The following UBE3D variants were observed in gnomAD, a reference collection of about 807,000 sequenced individuals.
UBE3D encodes the protein E3 ubiquitin-protein ligase E3D.
A neutral mutation model predicts 49.6 loss-of-function variants in UBE3D; 48 were observed. The observed-to-expected ratio is 0.97, with a 90% CI of 0.77 to 1.23. The LOEUF (loss-of-function observed/expected upper bound fraction) is 1.23. Among genes scored for constraint, UBE3D ranks in the 50% most tolerant of loss-of-function variants. UBE3D has a pLI of 0.00. For missense variants in UBE3D, 452 were observed against 468.4 expected (o/e 0.96, Z 0.32); for synonymous variants, 189 against 174.2 (o/e 1.08, Z -0.67).
Position 83,018,502 on chromosome 6 carries a change from G to A in UBE3D, c.1010+471C>T, listed in dbSNP as rs118128994. ...GATGATAATGGTACATACCACACAGGTTGTTGTTAGGCTTAAATGAGCTAC... is the reference window on the plus strand; with the variant it reads ...GATGATAATGGTACATACCACACAGATTGTTGTTAGGCTTAAATGAGCTAC... On this transcript the variant is annotated intron_variant, in intron 8 of 9. Coordinates refer to ENST00000369747, the MANE Select transcript of UBE3D (RefSeq NM_198920.3). 178 of 158,260 alleles carry A rather than the reference G, an allele frequency of 1.1e-3. 1 individual carries two copies. In the Middle Eastern group the frequency reaches 0.016, roughly 14 times the overall value. The allele number at this position is 158,260 out of a possible 1,614,324, so 9.8% of individuals were successfully genotyped here.
At chr6:83,035,771 T>C (rs1214829015) in intron 5 of UBE3D, among the ~76,000 whole-genome samples, 4 of 152,178 alleles carry the variant, frequency 2.6e-5, no homozygotes, top group Non-Finnish European at 5.9e-5. Context: ...TAGACTTGTA[T>C]TTTTGGTATT....
At chr6:82,956,649 G>A (rs937001710) in intron 9 of UBE3D, among the ~76,000 whole-genome samples, 13 of 152,176 alleles carry the variant, frequency 8.5e-5, no homozygotes, top group Admixed American at 2.0e-4. Flanking sequence ...TAAGATTCCT[G>A]GGTCTCCTGC....
At chr6:83,038,129 C>A in intron 5 of UBE3D, 1 of 206,460 alleles carries the variant, frequency 4.8e-6, no homozygotes, top group South Asian at 1.8e-4. Context: ...GAAATAGGCC[C>A]AAGAACAAAC....
intron 8 of UBE3D, among the ~76,000 whole-genome samples, chr6:83,008,595 T>C (rs1780141669): frequency 6.6e-6 from 1 of 152,186 alleles, no homozygotes; most frequent in South Asian, 2.1e-4. Context: ...TACATGCCAC[T>C]TTTTTGTGTA....
chr6:82,930,823 A>G (rs1774088597), intron 9 of UBE3D, among the ~76,000 whole-genome samples: 1 of 152,220 alleles, frequency 6.6e-6, no homozygotes, highest in African/African-American at 2.4e-5. Flanking sequence ...TGCAGTATAA[A>G]AGAAAAACTC....
intron 9 of UBE3D, among the ~76,000 whole-genome samples, chr6:82,918,549 A>G (rs973181661): frequency 2.6e-5 from 4 of 152,188 alleles, no homozygotes; most frequent in African/African-American, 9.6e-5. Context: ...TCAAAATACC[A>G]TGGAAAATAG....
chr6:82,946,534 G>C (rs373941139), intron 9 of UBE3D, among the ~76,000 whole-genome samples: 2 of 152,172 alleles, frequency 1.3e-5, no homozygotes, highest in South Asian at 4.2e-4. Context: ...AGAAAGCAAA[G>C]AATGTTCATG....
At chr6:82,902,822 G>C in intron 9 of UBE3D, among the ~76,000 whole-genome samples, 1 of 152,120 alleles carries the variant, frequency 6.6e-6, no homozygotes, top group East Asian at 1.9e-4. Context: ...ATATGTTTTT[G>C]TGCAGTGAAG....
At chr6:82,993,199 T>C (rs889874920) in intron 8 of UBE3D, among the ~76,000 whole-genome samples, 37 of 152,118 alleles carry the variant, frequency 2.4e-4, no homozygotes, top group African/African-American at 8.7e-4. Context: ...TCTTAAAGTA[T>C]ATTAATTTTA....
At chr6:82,943,447 G>A (rs1270707493) in intron 9 of UBE3D, among the ~76,000 whole-genome samples, 2 of 152,032 alleles carry the variant, frequency 1.3e-5, no homozygotes, top group Admixed American at 6.6e-5. Context: ...ACCACGCTGG[G>A]CAACATGGTG....
Position 82,919,574 on chromosome 6 carries a change from C to A in UBE3D, c.1150-26532G>T, listed in dbSNP as rs191414597. ...TCACACCACTGCACTCCAGCCTGGGCGACACAGCAAGACTCAGTCTCAAAA... is the reference window on the plus strand; with the variant it reads ...TCACACCACTGCACTCCAGCCTGGGAGACACAGCAAGACTCAGTCTCAAAA... On this transcript the variant is annotated intron_variant, in intron 9 of 9. Coordinates refer to ENST00000369747, the MANE Select transcript of UBE3D (RefSeq NM_198920.3). Among the ~76,000 whole-genome samples, 8 of 151,032 alleles carry A rather than the reference C, an allele frequency of 5.3e-5. No individual in the cohort carries two copies. The East Asian group carries it at 1.4e-3, about 26-fold the overall frequency.
At chr6:83,052,571 A>G (rs1053458328) in intron 3 of UBE3D, among the ~76,000 whole-genome samples, 1 of 152,154 alleles carries the variant, frequency 6.6e-6, no homozygotes, top group African/African-American at 2.4e-5. Context: ...CCAGGGTGAA[A>G]AAATATCATG....
chr6:83,046,601 A>T (rs1390444881), intron 3 of UBE3D, among the ~76,000 whole-genome samples: 1 of 149,746 alleles, frequency 6.7e-6, no homozygotes, highest in Non-Finnish European at 1.5e-5. Context: ...ATATAGACCT[A>T]CAAACAAATA....
At chr6:82,948,297 T>C (rs1053794067) in intron 9 of UBE3D, among the ~76,000 whole-genome samples, 10 of 151,928 alleles carry the variant, frequency 6.6e-5, no homozygotes, top group African/African-American at 2.4e-4. Flanking sequence ...AATAAATTCA[T>C]AGACACATAC....
At chr6:82,969,122 T>G (rs1009212757) in intron 8 of UBE3D, among the ~76,000 whole-genome samples, 8 of 150,508 alleles carry the variant, frequency 5.3e-5, no homozygotes, top group Non-Finnish European at 1.0e-4. Context: ...TATGACTGTT[T>G]TACTTAGAAA....
intron 8 of UBE3D, among the ~76,000 whole-genome samples, chr6:82,985,453 C>T (rs1778414342): frequency 6.6e-6 from 1 of 152,062 alleles, no homozygotes; most frequent in South Asian, 2.1e-4. Context: ...ACCTCTGCCT[C>T]CCAGGTTCAA....
intron 8 of UBE3D, among the ~76,000 whole-genome samples, chr6:82,988,436 G>A (rs1164860860): frequency 6.6e-6 from 1 of 152,018 alleles, no homozygotes; most frequent in Non-Finnish European, 1.5e-5. Context: ...CTGACAGACT[G>A]ACCCTCTCAG....
At chr6:82,942,522 G>A (rs1334147778) in intron 9 of UBE3D, among the ~76,000 whole-genome samples, 1 of 152,226 alleles carries the variant, frequency 6.6e-6, no homozygotes, top group East Asian at 1.9e-4. Flanking sequence ...GGCCCAGAGT[G>A]CTAGGAGGAA....
At chr6:83,023,541 T>A (rs1008051549) in intron 6 of UBE3D, among the ~76,000 whole-genome samples, 3 of 152,234 alleles carry the variant, frequency 2.0e-5, no homozygotes, top group Non-Finnish European at 2.9e-5. Context: ...TGCCATGGAA[T>A]ACTACTTAGC....
Sources: allele counts gnomAD v4.1 joint callset (sites outside exome capture counted in the v4.1 genomes callset), GRCh38; gene constraint gnomAD v4.1.1; transcripts MANE v1.5; gene names NCBI Gene and HGNC (gene_info 2026-07-23, HGNC 2026-07-21).